FGF5: variants seen among roughly 807,000 people sequenced by gnomAD.
FGF5 encodes the protein fibroblast growth factor 5, also known as heparin-binding growth factor 5.
FGF5 carries 23 observed loss-of-function variants against 21.8 expected under a neutral mutation model. The observed-to-expected ratio is 1.05, with a 90% CI of 0.76 to 1.49. The LOEUF (loss-of-function observed/expected upper bound fraction) is 1.49, where lower values mean the gene tolerates loss of function less well. FGF5 is among the 40% of genes most tolerant of loss of function. The pLI is 0.00. For missense variants in FGF5, 352 were observed against 332.9 expected, an observed-to-expected ratio of 1.06 and a Z score of -0.45; for synonymous variants, 158 against 124.0, an observed-to-expected ratio of 1.27 and a Z score of -1.82.
chr4:80,282,394 A>G (rs1720578568), intron 2 of FGF5, among the ~76,000 whole-genome samples: 1 of 152,226 alleles, frequency 6.6e-6, no homozygotes, highest in Non-Finnish European at 1.5e-5. Context: ...AAAGTACAAA[A>G]AACGCTGATT....
At chr4:80,277,180 A>G (rs1376285144) in intron 2 of FGF5, among the ~76,000 whole-genome samples, 1 of 152,144 alleles carries the variant, frequency 6.6e-6, no homozygotes, top group Non-Finnish European at 1.5e-5. Context: ...TAATGCAGAT[A>G]ATGCAAAAAC....
chr4:80,289,200 T>G lies in FGF5; in HGVS notation c.*2528T>G, dbSNP rs1578301225. The G allele has an allele frequency of 6.6e-6, 1 of 151,956 alleles. No homozygotes were observed. The highest frequency in any genetic ancestry group is 2.1e-4 in the South Asian group (1 of 4,818). The allele number at this position is 151,956 out of a possible 1,614,324, so 9.4% of individuals were successfully genotyped here. A position where few individuals can be genotyped will look rare whatever the true frequency, so the allele number is the denominator to read the frequency against. ...TAGAGACGGGGTTTCACCATGTTGG[T>G]CAGGATGGTCTCAATCCTGGCCTCT... On this transcript the variant is annotated 3_prime_UTR_variant, in exon 3 of 3. Coordinates refer to ENST00000312465, the MANE Select transcript of FGF5 (RefSeq NM_004464.4).
chr4:80,286,936 A>T lies in FGF5; in HGVS notation c.*264A>T, dbSNP rs551718154. ...GCTTTATGCTTGAGGGATATTTAGA[A>T]CTTTGTATTTTCGGAAAGTTAAATA... is the stretch of plus-strand genomic sequence containing the variant. On this transcript the variant is annotated 3_prime_UTR_variant, in exon 3 of 3. Coordinates refer to ENST00000312465, the MANE Select transcript of FGF5 (RefSeq NM_004464.4). The T allele has an allele frequency of 1.5e-5, 5 of 326,126 alleles. No individual in the cohort carries two copies. The highest frequency in any genetic ancestry group is 4.4e-5 in the Admixed American group (1 of 22,660). The allele number at this position is 326,126 out of a possible 1,614,324, so 20.2% of individuals were successfully genotyped here.
rs751463344 is a variant in FGF5, at chr4:80,267,013, C to A, written c.189C>A (p.Pro63=). The A allele has an allele frequency of 1.2e-6, 2 of 1,614,260 alleles. No individual in the cohort carries two copies. The highest frequency in any genetic ancestry group is 1.7e-5 in the Admixed American group (1 of 60,036). Residue 63 remains proline (P), a synonymous_variant, in exon 1 of 3, where the codon CCC becomes CCA. Transcript: ENST00000312465. ...AMSSSSASSS[P]AASLGSQGSG... is the part of the protein sequence containing the mutation. Reference sequence around the variant, plus strand: ...CTTCCTCTTCTGCCTCCTCCTCCCCCGCAGCTTCTCTGGGCAGCCAAGGAA... The same window carrying A: ...CTTCCTCTTCTGCCTCCTCCTCCCCAGCAGCTTCTCTGGGCAGCCAAGGAA...
At position 80,267,131 on chromosome 4, in the gene FGF5, A is replaced by G; in HGVS notation, c.307A>G (p.Ile103Val). 1 of 1,613,560 alleles carries G rather than the reference A, an allele frequency of 6.2e-7. No homozygotes were observed. Among genetic ancestry groups the G allele is most frequent in the Non-Finnish European group, 8.5e-7 (1 of 1,179,758 alleles). Reference protein sequence around the residue: ...CRVGIGFHLQIYPDGKVNGSH... With the variant: ...CRVGIGFHLQVYPDGKVNGSH... ...AGTGGGCATCGGTTTCCATCTGCAGATCTACCCGGATGGCAAAGTCAATGG... is the reference window on the plus strand; with the variant it reads ...AGTGGGCATCGGTTTCCATCTGCAGGTCTACCCGGATGGCAAAGTCAATGG... The change falls in exon 1 of 3, where the codon ATC becomes GTC. Residue 103 changes from isoleucine (I) to valine (V), a missense_variant. Transcript: ENST00000312465.
At chr4:80,267,931 T>A (rs1321249922) in intron 1 of FGF5, among the ~76,000 whole-genome samples, 1 of 152,174 alleles carries the variant, frequency 6.6e-6, no homozygotes, top group Non-Finnish European at 1.5e-5. Context: ...CTTGAGACCA[T>A]GACTACACCG....
Position 80,286,594 on chromosome 4 carries a change from C to A in FGF5, c.729C>A (p.Ile243=). Residue 243 remains isoleucine (I), a synonymous_variant, in exon 3 of 3, where the codon ATC becomes ATA. Coordinates refer to ENST00000312465, the MANE Select transcript of FGF5 (RefSeq NM_004464.4). ...VPEKKKPPSP[I]KPKIPLSAPR... ...AAAAGAAAAAGCCACCTAGCCCTATCAAGCCAAAGATTCCCCTTTCTGCAC... is the reference window on the plus strand; with the variant it reads ...AAAAGAAAAAGCCACCTAGCCCTATAAAGCCAAAGATTCCCCTTTCTGCAC... The A allele has an allele frequency of 1.9e-6, 3 of 1,614,070 alleles. No homozygotes were observed. The highest frequency in any genetic ancestry group is 2.5e-6 in the Non-Finnish European group (3 of 1,179,968).
intron 1 of FGF5, among the ~76,000 whole-genome samples, chr4:80,272,129 T>G (rs1720287492): frequency 6.6e-6 from 1 of 152,194 alleles, no homozygotes; most frequent in Admixed American, 6.5e-5. Flanking sequence ...CCAAAGTTAC[T>G]CACGTGAAAA....
chr4:80,286,208 A>T (rs1340539887), intron 2 of FGF5, 117 bp from the exon 3 acceptor site: 2 of 659,776 alleles, frequency 3.0e-6, no homozygotes, highest in African/African-American at 3.6e-5. Flanking sequence ...AAAGGAATTG[A>T]GTAGGAGGAA....
chr4:80,286,530 C>T lies in FGF5; in HGVS notation c.665C>T (p.Ser222Leu), dbSNP rs753681400. The T allele has an allele frequency of 2.7e-5, 43 of 1,613,018 alleles. No homozygotes were observed. The highest frequency in any genetic ancestry group is 2.2e-4 in the South Asian group (20 of 91,000). The change falls in exon 3 of 3, where the codon TCG (serine) becomes TTG (leucine). Residue 222 changes from serine to leucine, a missense_variant. By Grantham distance (145) the Ser-to-Leu change is moderately radical. Transcript: ENST00000312465. Reference protein sequence around the residue: ...STHFLPRFKQSEQPELSFTVT... With the variant: ...STHFLPRFKQLEQPELSFTVT... ...CATTTTCTGCCAAGATTCAAGCAGT[C>T]GGAGCAGCCAGAACTTTCTTTCACG...
intron 1 of FGF5, among the ~76,000 whole-genome samples, chr4:80,273,756 G>A (rs1720334126): frequency 6.6e-6 from 1 of 151,820 alleles, no homozygotes; most frequent in African/African-American, 2.4e-5. Context: ...TTTTGACCAG[G>A]ATGGTCTTGA....
intron 1 of FGF5, among the ~76,000 whole-genome samples, chr4:80,274,657 T>TA (rs1720360778): frequency 6.6e-6 from 1 of 152,164 alleles, no homozygotes; most frequent in Non-Finnish European, 1.5e-5. Context: ...AAAAGCAACT[T>TA]ATTTGTCCAA....
rs112475347 is a variant in FGF5 at position 80,267,067 on chromosome 4, G to A, written c.243G>A (p.Trp81Ter). Residue 81 changes from tryptophan to a stop codon, truncating the protein, a stop_gained, in exon 1 of 3, where the codon TGG (tryptophan) becomes TGA (stop). Coordinates refer to ENST00000312465, the MANE Select transcript of FGF5 (RefSeq NM_004464.4). LOFTEE classifies it high-confidence loss of function. ...GSGLEQSSFQ[W>*]SPSGRRTGSL... ...GCTTGGAGCAGAGCAGTTTCCAGTG[G>A]AGCCCCTCGGGGCGCCGGACCGGCA... The A allele has an allele frequency of 6.2e-7, 1 of 1,614,240 alleles. No homozygotes were observed. Among genetic ancestry groups the A allele is most frequent in the Non-Finnish European group, 8.5e-7 (1 of 1,180,050 alleles).
At position 80,268,660 on chromosome 4, in the gene FGF5, A is replaced by G. The variant is rs36095121; in HGVS notation, c.355+1481A>G. 4.5e-4 allele frequency: 152 copies of G among 338,468 alleles called. 1 individual carries two copies. Among genetic ancestry groups the G allele is most frequent in the African/African-American group, 3.2e-3 (144 of 45,232 alleles). The allele number at this position is 338,468 out of a possible 1,614,324, so 21.0% of individuals were successfully genotyped here. On this transcript the variant is annotated intron_variant, in intron 1 of 2. Coordinates refer to ENST00000312465, the MANE Select transcript of FGF5 (RefSeq NM_004464.4). Reference sequence around the variant, plus strand: ...TTCATGCTGAGAGAAAAGCAGGTCTATGCCCGCCCCTCTGCGCCTGTCTAG... The same window carrying G: ...TTCATGCTGAGAGAAAAGCAGGTCTGTGCCCGCCCCTCTGCGCCTGTCTAG...
chr4:80,275,082 T>C (rs982953603), intron 2 of FGF5, 70 bp downstream of exon 2: 2 of 636,244 alleles, frequency 3.1e-6, no homozygotes, highest in Admixed American at 6.9e-5. Context: ...AGAATAATTT[T>C]CCAAATTCAT....
At chr4:80,275,414 C>T (rs1720383079) in intron 2 of FGF5, among the ~76,000 whole-genome samples, 1 of 151,770 alleles carries the variant, frequency 6.6e-6, no homozygotes, top group Middle Eastern at 3.2e-3. Flanking sequence ...ACAGGCTACT[C>T]ATAATACCAA....
At position 80,290,416 on chromosome 4, in the gene FGF5, G is replaced by T. The variant is rs4690150; in HGVS notation, c.*3744G>T. The T allele has an allele frequency of 6.6e-6, 1 of 151,936 alleles. No individual in the cohort carries two copies. The highest frequency in any genetic ancestry group is 2.1e-4 in the South Asian group (1 of 4,818). 9.4% of individuals were successfully genotyped at this position (151,936 alleles called of 1,614,324 possible). ...ATGATTAGGTATTAGCAGAGACAAA[G>T]AGTTACCTCCTCCATCTTACTCTGC... On this transcript the variant is annotated 3_prime_UTR_variant, in exon 3 of 3. Coordinates refer to ENST00000312465, the MANE Select transcript of FGF5 (RefSeq NM_004464.4).
At position 80,266,903 on chromosome 4, in the gene FGF5, G is replaced by C. The variant is rs1311740932; in HGVS notation, c.79G>C (p.Ala27Pro). ...SAWAHGEKRLAPKGQPGPAAT... is the reference protein window; with the variant it reads ...SAWAHGEKRLPPKGQPGPAAT... ...CTGGGCTCACGGGGAGAAGCGTCTC[G>C]CCCCCAAAGGGCAACCCGGACCCGC... The change falls in exon 1 of 3, where the codon GCC becomes CCC. Residue 27 changes from alanine to proline, a missense_variant. By Grantham distance (27) the Ala-to-Pro change is conservative (BLOSUM62 -1). Transcript: ENST00000312465. 2 of 1,613,706 alleles carry C rather than the reference G, an allele frequency of 1.2e-6. No homozygotes were observed. Among genetic ancestry groups the C allele is most frequent in the Non-Finnish European group, 1.7e-6 (2 of 1,179,900 alleles).
intron 2 of FGF5, among the ~76,000 whole-genome samples, chr4:80,277,770 AATGT>A (rs1412060643): frequency 6.6e-6 from 1 of 152,122 alleles, no homozygotes; most frequent in African/African-American, 2.4e-5. Flanking sequence ...CTACAAAGCA[AATGT>A]AAACTAAAAA....
Sources: allele counts gnomAD v4.1 joint callset (sites outside exome capture counted in the v4.1 genomes callset), GRCh38; gene constraint gnomAD v4.1.1; transcripts MANE v1.5; gene names NCBI Gene and HGNC (gene_info 2026-07-23, HGNC 2026-07-21).